The following FHIT variants were observed in gnomAD, a reference collection of about 807,000 sequenced individuals.
FHIT encodes the protein fragile histidine triad diadenosine triphosphatase, also known as bis(5'-adenosyl)-triphosphatase.
In FHIT, 19 loss-of-function variants were observed where a neutral mutation model predicts 17.9. The ratio of observed to expected loss-of-function variants is 1.06; its 90% CI spans 0.74 to 1.56. The LOEUF is 1.56. Ranked by LOEUF, FHIT falls within the 40% of genes most tolerant of loss-of-function variation. The probability of loss-of-function intolerance (pLI) is 0.00; values close to 1 mark genes in which losing one functional copy is unlikely to be tolerated. For synonymous variants in FHIT, 81 were observed against 69.7 expected (o/e 1.16, Z -0.81); for missense variants, 248 against 189.2 (o/e 1.31, Z -1.82).
At chr3:60,163,333 C>G (rs556030285) in intron 5 of FHIT, among the ~76,000 whole-genome samples, 20 of 152,236 alleles carry the variant, frequency 1.3e-4, no homozygotes, top group African/African-American at 4.8e-4. Context: ...CCTTTACCCA[C>G]ACGCGTGTTC....
At chr3:60,764,597 T>A (rs1699784731) in intron 4 of FHIT, among the ~76,000 whole-genome samples, 1 of 152,186 alleles carries the variant, frequency 6.6e-6, no homozygotes, top group Non-Finnish European at 1.5e-5. Flanking sequence ...TTTCTATTTA[T>A]AAGTCTCAGG....
Position 60,239,640 on chromosome 3 carries a change from C to T in FHIT, c.104-225488G>A, listed in dbSNP as rs561370514. ...GGCTTTAGAGTTCCTAGGATCTCCA[C>T]TGGATTTCTAACAAGCAAAAGTTTC... On this transcript the variant is annotated intron_variant, in intron 5 of 9. Coordinates refer to ENST00000492590, the MANE Select transcript of FHIT (RefSeq NM_002012.4). Among the ~76,000 whole-genome samples, 4 of 152,236 alleles carry T rather than the reference C, an allele frequency of 2.6e-5. No individual in the cohort carries two copies. The East Asian group carries it at 5.8e-4, about 22-fold the overall frequency.
intron 5 of FHIT, among the ~76,000 whole-genome samples, chr3:60,332,409 A>C (rs1398291658): frequency 6.6e-6 from 1 of 152,226 alleles, no homozygotes; most frequent in African/African-American, 2.4e-5. Context: ...CGATGGAGGA[A>C]AATTCGAGCA....
chr3:60,192,401 T>TG (rs57836070), intron 5 of FHIT, among the ~76,000 whole-genome samples: 6,719 of 152,116 alleles, frequency 0.044, 214 homozygotes, highest in South Asian at 0.11. Context: ...GCTGGAGACA[T>TG]GGGGTATGGC....
At chr3:60,081,479 A>T (rs964233747) in intron 5 of FHIT, among the ~76,000 whole-genome samples, 2 of 151,976 alleles carry the variant, frequency 1.3e-5, no homozygotes, top group Admixed American at 1.3e-4. Flanking sequence ...TTAAAACTCA[A>T]CTCAATCTAC....
intron 3 of FHIT, among the ~76,000 whole-genome samples, chr3:60,894,505 C>T (rs782216083): frequency 8.5e-5 from 13 of 152,154 alleles, no homozygotes; most frequent in East Asian, 1.9e-4. Flanking sequence ...TGATGTGAGA[C>T]GCACAGATAC....
chr3:61,191,081 T>TA (rs368222463), intron 2 of FHIT, among the ~76,000 whole-genome samples: 45 of 148,782 alleles, frequency 3.0e-4, no homozygotes, highest in East Asian at 1.2e-3. Context: ...TAAAGTATAA[T>TA]AAAAAAAAAA....
At chr3:60,409,194 A>C (rs1240645584) in intron 5 of FHIT, among the ~76,000 whole-genome samples, 1 of 152,232 alleles carries the variant, frequency 6.6e-6, no homozygotes, top group African/African-American at 2.4e-5. Flanking sequence ...CCTTGATTAA[A>C]ATTATAATTA....
intron 8 of FHIT, among the ~76,000 whole-genome samples, chr3:59,823,828 G>A (rs1700882526): frequency 2.0e-5 from 3 of 152,116 alleles, no homozygotes; most frequent in Admixed American, 6.5e-5. Flanking sequence ...ATTCAACACA[G>A]TACTGGAAGT....
At chr3:61,249,794 T>C (rs1434901927) in intron 1 of FHIT, among the ~76,000 whole-genome samples, 7 of 152,084 alleles carry the variant, frequency 4.6e-5, no homozygotes, top group African/African-American at 1.2e-4. Flanking sequence ...ATGGGAAATG[T>C]AGTATTAAAA....
intron 1 of FHIT, among the ~76,000 whole-genome samples, chr3:61,204,990 A>G (rs9860681): frequency 0.45 from 57,871 of 128,060 alleles, 12,836 homozygotes; most frequent in East Asian, 0.61. Context: ...CCCCACAACA[A>G]TCCCCAGTGT....
At chr3:61,079,324 C>T (rs913764050) in intron 2 of FHIT, among the ~76,000 whole-genome samples, 1 of 152,022 alleles carries the variant, frequency 6.6e-6, no homozygotes, top group African/African-American at 2.4e-5. Flanking sequence ...AGCCAAACTA[C>T]ACAATCATCT....
chr3:60,348,708 C>A (rs1710921031), intron 5 of FHIT, among the ~76,000 whole-genome samples: 1 of 152,194 alleles, frequency 6.6e-6, no homozygotes, highest in Non-Finnish European at 1.5e-5. Flanking sequence ...CCTGACTCAC[C>A]TTTGGATGCT....
intron 3 of FHIT, among the ~76,000 whole-genome samples, chr3:60,886,011 C>A (rs1705205986): frequency 6.6e-6 from 1 of 152,128 alleles, no homozygotes. Flanking sequence ...TTTCCTAAAC[C>A]ATTGCTTGGC....
intron 4 of FHIT, among the ~76,000 whole-genome samples, chr3:60,707,655 A>G (rs376963095): frequency 6.6e-6 from 1 of 152,194 alleles, no homozygotes; most frequent in East Asian, 1.9e-4. Context: ...AGTGCCAATT[A>G]CTGTTCTGTC....
intron 4 of FHIT, among the ~76,000 whole-genome samples, chr3:60,669,859 T>C (rs782719042): frequency 2.6e-5 from 4 of 152,118 alleles, no homozygotes; most frequent in Admixed American, 1.3e-4. Flanking sequence ...CAAGAAAGAA[T>C]TGAAAATAAC....
intron 5 of FHIT, among the ~76,000 whole-genome samples, chr3:60,229,271 G>A (rs1188184781): frequency 6.6e-6 from 1 of 152,006 alleles, no homozygotes; most frequent in Non-Finnish European, 1.5e-5. Flanking sequence ...ACAAAAATTA[G>A]CCAGGTGTGG....
intron 3 of FHIT, among the ~76,000 whole-genome samples, chr3:61,012,530 T>C (rs2031852187): frequency 6.6e-6 from 1 of 152,116 alleles, no homozygotes; most frequent in South Asian, 2.1e-4. Flanking sequence ...TCTCAATGCT[T>C]ATATCTAGAA....
chr3:60,112,578 A>T (rs916343515), intron 5 of FHIT, among the ~76,000 whole-genome samples: 2 of 152,224 alleles, frequency 1.3e-5, no homozygotes, highest in Non-Finnish European at 2.9e-5. Flanking sequence ...TATGGCCTCC[A>T]CATGGCTTTC....
Sources: allele counts gnomAD v4.1 joint callset (sites outside exome capture counted in the v4.1 genomes callset), GRCh38; gene constraint gnomAD v4.1.1; transcripts MANE v1.5; gene names NCBI Gene and HGNC (gene_info 2026-07-23, HGNC 2026-07-21).